MATN2: variants seen among roughly 807,000 people sequenced by gnomAD.
The protein encoded by MATN2 is matrilin 2.
MATN2 carries 69 observed loss-of-function variants against 103.2 expected under a neutral mutation model. The observed-to-expected ratio is 0.67, with a 90% CI of 0.55 to 0.82. The LOEUF (loss-of-function observed/expected upper bound fraction) is 0.82. Among genes scored for constraint, MATN2 ranks in the 40% least tolerant of loss-of-function variants. The pLI is 0.00. For missense variants in MATN2, 1,023 were observed against 1,211.5 expected, an observed-to-expected ratio of 0.84 and a Z score of 2.31; for synonymous variants, 429 against 450.2, an observed-to-expected ratio of 0.95 and a Z score of 0.60.
At chr8:97,979,919 C>T (rs1011407517) in intron 6 of MATN2, among the ~76,000 whole-genome samples, 1 of 152,212 alleles carries the variant, frequency 6.6e-6, no homozygotes, top group African/African-American at 2.4e-5. Context: ...CATAAACTTA[C>T]TTCCTACTCT....
At chr8:97,965,707 G>A (rs768300250) in intron 5 of MATN2, among the ~76,000 whole-genome samples, 1 of 152,152 alleles carries the variant, frequency 6.6e-6, no homozygotes, top group South Asian at 2.1e-4. Context: ...ATGGCTGGAT[G>A]TGGTGGCTCA....
intron 2 of MATN2, among the ~76,000 whole-genome samples, chr8:97,888,775 C>A (rs1818530146): frequency 1.3e-5 from 2 of 152,240 alleles, no homozygotes; most frequent in Admixed American, 6.5e-5. Context: ...TGTAAATCAG[C>A]TGATTCTAAA....
At chr8:97,883,203 T>C (rs1054848094) in intron 1 of MATN2, among the ~76,000 whole-genome samples, 10 of 150,214 alleles carry the variant, frequency 6.7e-5, no homozygotes, top group Non-Finnish European at 1.3e-4. Context: ...GAGAATCGCT[T>C]GAACCCAGGA....
At chr8:97,997,274 A>G (rs1812618453) in intron 7 of MATN2, among the ~76,000 whole-genome samples, 1 of 152,320 alleles carries the variant, frequency 6.6e-6, no homozygotes, top group South Asian at 2.1e-4. Context: ...CGTGACGTCC[A>G]GGCTTGGCAA....
intron 8 of MATN2, among the ~76,000 whole-genome samples, chr8:98,004,847 C>T (rs573518352): frequency 1.8e-4 from 28 of 152,370 alleles, no homozygotes; most frequent in African/African-American, 6.5e-4. Flanking sequence ...GCTCTGCCAG[C>T]TGGGCGGCTC....
At chr8:97,889,473 A>C (rs1160526792) in intron 2 of MATN2, among the ~76,000 whole-genome samples, 5 of 141,326 alleles carry the variant, frequency 3.5e-5, no homozygotes, top group African/African-American at 1.3e-4. Context: ...ATATATATAT[A>C]TATATATATA....
chr8:97,931,174 C>T lies in MATN2; in HGVS notation c.364C>T (p.Arg122Cys), dbSNP rs368952003. 15 of 1,613,268 alleles carry T rather than the reference C, an allele frequency of 9.3e-6. No homozygotes were observed. The highest frequency in any genetic ancestry group is 1.3e-5 in the African/African-American group (1 of 74,900). Residue 122 changes from arginine (R) to cysteine (C), a missense_variant, in exon 3 of 19, where the codon CGT becomes TGT. Transcript: ENST00000254898. The surrounding 1 kb of genome is among the most constrained non-coding windows in gnomAD (Gnocchi z 4.1). Reference sequence around the variant, plus strand: ...CTTCAAGAGGAAGTCCGAGGTGGAGCGTGCTGTCAAGAGGATGCGGCATCT... The same window carrying T: ...CTTCAAGAGGAAGTCCGAGGTGGAGTGTGCTGTCAAGAGGATGCGGCATCT... ...KTFKRKSEVERAVKRMRHLST... is the reference protein window; with the variant it reads ...KTFKRKSEVECAVKRMRHLST...
intron 4 of MATN2, among the ~76,000 whole-genome samples, chr8:97,955,087 G>A (rs1229824075): frequency 1.3e-5 from 2 of 152,200 alleles, no homozygotes; most frequent in Non-Finnish European, 1.5e-5. Context: ...TGAAAATGGA[G>A]AGGGCCATGT....
chr8:97,893,376 A>G (rs1818698926), intron 2 of MATN2, among the ~76,000 whole-genome samples: 1 of 152,072 alleles, frequency 6.6e-6, no homozygotes, highest in South Asian at 2.1e-4. Flanking sequence ...GGCCCTCCTC[A>G]AGGGGGCGCT....
intron 1 of MATN2, among the ~76,000 whole-genome samples, chr8:97,871,359 C>T (rs1010842029): frequency 6.6e-6 from 1 of 152,072 alleles, no homozygotes; most frequent in Admixed American, 6.6e-5. Context: ...AAAAGCAGGC[C>T]GAAGAGGGTG....
At chr8:97,901,325 T>C (rs534195953) in intron 2 of MATN2, among the ~76,000 whole-genome samples, 8 of 152,264 alleles carry the variant, frequency 5.3e-5, no homozygotes, top group African/African-American at 1.9e-4. Context: ...TGTTCTGGGT[T>C]CACTGTAACC....
At chr8:98,017,945 G>A (rs1471304456) in intron 11 of MATN2, 49 bp from the exon 12 acceptor site, 4 of 1,604,366 alleles carry the variant, frequency 2.5e-6, no homozygotes, top group Non-Finnish European at 3.4e-6. Context: ...TGAAGTCCAT[G>A]TGAAATGTAT....
At chr8:97,988,890 A>C (rs1812292610) in intron 6 of MATN2, among the ~76,000 whole-genome samples, 1 of 152,230 alleles carries the variant, frequency 6.6e-6, no homozygotes, top group Non-Finnish European at 1.5e-5. Flanking sequence ...AGACATAAAA[A>C]AAGAAAACTA....
chr8:97,897,683 G>T (rs997171), intron 2 of MATN2, among the ~76,000 whole-genome samples: 17,251 of 152,092 alleles, frequency 0.11, 1,332 homozygotes, highest in Non-Finnish European at 0.17. Context: ...GTGCATCACG[G>T]GCAGTACAAT....
chr8:97,979,583 G>T (rs998585199), intron 6 of MATN2, among the ~76,000 whole-genome samples: 1 of 151,994 alleles, frequency 6.6e-6, no homozygotes, highest in Non-Finnish European at 1.5e-5. Context: ...CATTAGTTTT[G>T]CAAAAAAGAT....
intron 3 of MATN2, among the ~76,000 whole-genome samples, chr8:97,933,044 A>G (rs564522089): frequency 1.4e-4 from 21 of 152,324 alleles, no homozygotes; most frequent in African/African-American, 4.6e-4. Flanking sequence ...TGTGCTTTTG[A>G]TGTGTATTAA....
In MATN2 at chr8:98,007,336, C is replaced by T; in HGVS notation, c.1450+109C>T. On this transcript the variant is annotated intron_variant, in intron 9 of 18. Transcript: ENST00000254898. This position sits in a 1 kb window ranked among gnomAD's most constrained non-coding sequence, Gnocchi z 4.2. ...TTGGGCACCCCTCCCCTGCCCCTTG[C>T]TCTGCTCCAGGAGATAGTGAGGATG... 1.3e-6 allele frequency: 2 copies of T among 1,565,042 alleles called. No individual in the cohort carries two copies. The highest frequency in any genetic ancestry group is 2.3e-5 in the South Asian group (2 of 85,890).
chr8:97,946,242 G>A (rs1162858347), intron 4 of MATN2, among the ~76,000 whole-genome samples: 1 of 152,060 alleles, frequency 6.6e-6, no homozygotes, highest in South Asian at 2.1e-4. Context: ...CTTTCCATTC[G>A]AAGACTAGAT....
At chr8:97,887,598 G>A (rs1818479988) in intron 1 of MATN2, among the ~76,000 whole-genome samples, 1 of 152,130 alleles carries the variant, frequency 6.6e-6, no homozygotes, top group African/African-American at 2.4e-5. Flanking sequence ...CTGGGAGGCT[G>A]GATATGTGAT....
Sources: allele counts gnomAD v4.1 joint callset (sites outside exome capture counted in the v4.1 genomes callset), GRCh38; gene constraint gnomAD v4.1.1; non-coding constraint Gnocchi (gnomAD v3.1); transcripts MANE v1.5; gene names NCBI Gene and HGNC (gene_info 2026-07-23, HGNC 2026-07-21).